Variants in FBXL7 observed in about 807,000 individuals in gnomAD.
FBXL7 encodes the protein F-box and leucine rich repeat protein 7.
Under a neutral mutation model 38.3 loss-of-function variants are expected in FBXL7, and 12 were observed. That is an observed-to-expected ratio of 0.31 (90% CI 0.20 to 0.51). The LOEUF is 0.51. FBXL7 is among the 20% of genes least tolerant of loss of function. The pLI, the probability that FBXL7 is intolerant of heterozygous loss-of-function variation, is 0.98. For synonymous variants in FBXL7, 297 were observed against 300.9 expected (o/e 0.99, Z 0.13); for missense variants, 567 against 676.4 (o/e 0.84, Z 1.79).
At chr5:15,549,626 T>C (rs369368795) in intron 1 of FBXL7, among the ~76,000 whole-genome samples, 109 of 152,308 alleles carry the variant, frequency 7.2e-4, no homozygotes, top group African/African-American at 2.4e-3. Flanking sequence ...TTACAAGCAA[T>C]TGTAGTCAAT....
At chr5:15,846,827 C>T (rs1358257347) in intron 2 of FBXL7, among the ~76,000 whole-genome samples, 1 of 151,926 alleles carries the variant, frequency 6.6e-6, no homozygotes, top group East Asian at 1.9e-4. Context: ...AAATAAATGA[C>T]CATTTAAAAT....
intron 2 of FBXL7, among the ~76,000 whole-genome samples, chr5:15,823,199 T>A (rs932100914): frequency 6.6e-6 from 1 of 152,224 alleles, no homozygotes; most frequent in Non-Finnish European, 1.5e-5. Flanking sequence ...GTGTATGTGC[T>A]TATTTGTGAA....
intron 2 of FBXL7, among the ~76,000 whole-genome samples, chr5:15,773,510 G>T (rs1264720965): frequency 2.0e-5 from 3 of 151,808 alleles, no homozygotes; most frequent in Admixed American, 2.0e-4. Context: ...ATCTAGTCAT[G>T]GTGTTGTGTG....
chr5:15,664,469 C>CT (rs34999340), intron 2 of FBXL7, among the ~76,000 whole-genome samples: 6,762 of 105,648 alleles, frequency 0.064, 672 homozygotes, highest in East Asian at 0.33. Context: ...TTTTCTTTTC[C>CT]TTTTTTTTTT....
chr5:15,913,775 T>G (rs1022254798), intron 2 of FBXL7, among the ~76,000 whole-genome samples: 1 of 152,226 alleles, frequency 6.6e-6, no homozygotes, highest in Admixed American at 6.5e-5. Context: ...CATGTGTTTC[T>G]TCTCTTGTCA....
chr5:15,852,542 G>A (rs16867790), intron 2 of FBXL7, among the ~76,000 whole-genome samples: 8,107 of 152,210 alleles, frequency 0.053, 699 homozygotes, highest in African/African-American at 0.18. Flanking sequence ...CCGGTAATTT[G>A]TACTTTCTGT....
At chr5:15,748,702 T>TTTTG (rs1332986768) in intron 2 of FBXL7, among the ~76,000 whole-genome samples, 20 of 152,284 alleles carry the variant, frequency 1.3e-4, no homozygotes, top group African/African-American at 3.4e-4. Flanking sequence ...GGCTAATTTT[T>TTTTG]TTTGTTTGTT....
At chr5:15,921,242 G>T (rs895403603) in intron 2 of FBXL7, among the ~76,000 whole-genome samples, 5 of 151,950 alleles carry the variant, frequency 3.3e-5, no homozygotes, top group African/African-American at 1.2e-4. Flanking sequence ...TTAGCCAGGT[G>T]TGGTGGTGTG....
At chr5:15,755,033 T>G (rs1736254707) in intron 2 of FBXL7, among the ~76,000 whole-genome samples, 1 of 152,196 alleles carries the variant, frequency 6.6e-6, no homozygotes. Context: ...GGGGAATGGC[T>G]TGAGTTTATT....
chr5:15,640,921 C>T (rs2126555789), intron 2 of FBXL7, among the ~76,000 whole-genome samples: 1 of 152,320 alleles, frequency 6.6e-6, no homozygotes, highest in African/African-American at 2.4e-5. Context: ...TTGCCTTCCT[C>T]ACCTGCATCA....
intron 2 of FBXL7, among the ~76,000 whole-genome samples, chr5:15,688,785 C>T (rs1377374688): frequency 6.6e-6 from 1 of 152,190 alleles, no homozygotes; most frequent in Admixed American, 6.5e-5. Flanking sequence ...CTTGTAATAA[C>T]ATTCAAAGCC....
intron 2 of FBXL7, among the ~76,000 whole-genome samples, chr5:15,900,333 C>T (rs891708886): frequency 6.6e-6 from 1 of 152,094 alleles, no homozygotes; most frequent in African/African-American, 2.4e-5. Context: ...ACACGATGGC[C>T]TTCCACCACC....
chr5:15,617,441 T>C (rs2126521281), intron 2 of FBXL7, among the ~76,000 whole-genome samples: 1 of 150,236 alleles, frequency 6.7e-6, no homozygotes, highest in East Asian at 2.0e-4. Context: ...ATTTATTTAT[T>C]TATTTATTTA....
chr5:15,515,479 G>C (rs540456936), intron 1 of FBXL7, among the ~76,000 whole-genome samples: 7 of 152,224 alleles, frequency 4.6e-5, no homozygotes, highest in Admixed American at 1.3e-4. Context: ...TGCCTGATCC[G>C]TTTGCTCAAC....
chr5:15,811,927 G>C (rs1737872330), intron 2 of FBXL7, among the ~76,000 whole-genome samples: 1 of 152,084 alleles, frequency 6.6e-6, no homozygotes, highest in South Asian at 2.1e-4. Flanking sequence ...AAGACAGTGT[G>C]GTGATTCCTC....
intron 1 of FBXL7, among the ~76,000 whole-genome samples, chr5:15,506,035 A>G (rs1183633207): frequency 6.6e-6 from 1 of 152,134 alleles, no homozygotes; most frequent in Non-Finnish European, 1.5e-5. Flanking sequence ...GCTAGCAGGA[A>G]TTTCTTTTTC....
chr5:15,560,471 TG>T (rs1738379101), intron 1 of FBXL7, among the ~76,000 whole-genome samples: 1 of 152,210 alleles, frequency 6.6e-6, no homozygotes, highest in African/African-American at 2.4e-5. Flanking sequence ...ACCAGCCTCC[TG>T]GGCTCCCAAC....
intron 2 of FBXL7, among the ~76,000 whole-genome samples, chr5:15,760,884 A>G (rs1212379200): frequency 1.3e-5 from 2 of 152,176 alleles, no homozygotes; most frequent in Non-Finnish European, 2.9e-5. Context: ...AAAATGTCAA[A>G]TGGGAAATAT....
intron 1 of FBXL7, among the ~76,000 whole-genome samples, chr5:15,507,465 G>A (rs1736668706): frequency 6.6e-6 from 1 of 152,170 alleles, no homozygotes; most frequent in African/African-American, 2.4e-5. Flanking sequence ...GAAATAGAAT[G>A]AATTCTGGAT....
Sources: gnomAD v4.1 joint callset for allele counts (sites outside exome capture counted in the v4.1 genomes callset) on GRCh38, gnomAD v4.1.1 for gene constraint, MANE v1.5 for transcripts, NCBI Gene and HGNC (gene_info 2026-07-23, HGNC 2026-07-21) for gene names.